Variants in STAC observed in about 807,000 individuals in gnomAD.
STAC encodes SH3 and cysteine rich domain.
STAC carries 43 observed loss-of-function variants against 48.8 expected under a neutral mutation model. The ratio of observed to expected loss-of-function variants is 0.88; its 90% CI spans 0.69 to 1.14. STAC has a LOEUF of 1.14. STAC is among the 50% of genes most tolerant of loss of function. The pLI is 0.00. For synonymous variants in STAC, 193 were observed against 179.5 expected, an observed-to-expected ratio of 1.07 and a Z score of -0.60; for missense variants, 497 against 504.0, an observed-to-expected ratio of 0.99 and a Z score of 0.13.
At chr3:36,422,504 A>C (rs1379881914) in intron 1 of STAC, among the ~76,000 whole-genome samples, 2 of 152,138 alleles carry the variant, frequency 1.3e-5, no homozygotes, top group East Asian at 3.8e-4. Context: ...AAACATATTC[A>C]ATGACTAATG....
chr3:36,536,611 T>C lies in STAC; in HGVS notation c.1110+7626T>C, dbSNP rs555678689. On this transcript the variant is annotated intron_variant, in intron 10 of 10. Transcript: ENST00000273183. The stretch of plus-strand genomic sequence containing the variant: ...AAAATTAACTCAACCATTCAGGACA[T>C]AGGCACAGGCAAAGACTTCCTGACG... Among the ~76,000 whole-genome samples the C allele has an allele frequency of 3.3e-5, 5 of 152,060 alleles. No homozygotes were observed. In the East Asian group the frequency reaches 9.7e-4, roughly 29 times the overall value.
At chr3:36,541,399 A>G (rs887656214) in intron 10 of STAC, among the ~76,000 whole-genome samples, 3 of 152,220 alleles carry the variant, frequency 2.0e-5, no homozygotes, top group Non-Finnish European at 2.9e-5. Context: ...GACCATGAGT[A>G]CCAATCATCA....
intron 1 of STAC, among the ~76,000 whole-genome samples, chr3:36,406,726 T>C (rs1700094525): frequency 6.6e-6 from 1 of 152,208 alleles, no homozygotes; most frequent in South Asian, 2.1e-4. Context: ...CATTCACACA[T>C]TGTTTATGGT....
intron 10 of STAC, among the ~76,000 whole-genome samples, chr3:36,530,096 G>C (rs992651133): frequency 3.3e-5 from 5 of 152,194 alleles, no homozygotes; most frequent in African/African-American, 4.8e-5. Context: ...CTCCAGCCTG[G>C]TTTGTTCTTG....
intron 6 of STAC, among the ~76,000 whole-genome samples, chr3:36,495,003 ACT>A (rs1698101528): frequency 6.6e-6 from 1 of 151,642 alleles, no homozygotes; most frequent in African/African-American, 2.4e-5. Flanking sequence ...TTCCCCTGAC[ACT>A]CTTCTCATCA....
At chr3:36,526,005 A>G (rs1261946991) in intron 8 of STAC, among the ~76,000 whole-genome samples, 6 of 152,240 alleles carry the variant, frequency 3.9e-5, no homozygotes, top group African/African-American at 1.2e-4. Context: ...TAACACATCT[A>G]TAACAGTACT....
At chr3:36,535,263 G>T (rs1303061575) in intron 10 of STAC, among the ~76,000 whole-genome samples, 1 of 152,066 alleles carries the variant, frequency 6.6e-6, no homozygotes, top group Non-Finnish European at 1.5e-5. Context: ...TCACGATTTG[G>T]CTCTCTGCTT....
At chr3:36,517,646 CCTATCTAT>C (rs34723998) in intron 8 of STAC, among the ~76,000 whole-genome samples, 9 of 151,780 alleles carry the variant, frequency 5.9e-5, no homozygotes, top group Non-Finnish European at 7.4e-5. Context: ...AGAGCTAGAC[CCTATCTAT>C]CTATCTATCT....
chr3:36,464,718 T>C (rs553782165), intron 2 of STAC, among the ~76,000 whole-genome samples: 10 of 152,334 alleles, frequency 6.6e-5, no homozygotes, highest in African/African-American at 2.4e-4. Context: ...GTTATTTCCA[T>C]TCCTGAGTTA....
rs1700604688 is a variant in STAC at position 36,427,876 on chromosome 3, C to CA, written c.112-15483dup. On this transcript the variant is annotated intron_variant, in intron 1 of 10. Transcript: ENST00000273183. ...AGCATCACTTCTATGATATTTCTAC[C>CA]AAAAATATGTGTAACCTGACAGAAC... Among the ~76,000 whole-genome samples, 4 of 152,196 alleles carry CA rather than the reference C, an allele frequency of 2.6e-5. No individual in the cohort carries two copies. The South Asian group carries it at 6.2e-4, about 24-fold the overall frequency.
intron 1 of STAC, among the ~76,000 whole-genome samples, chr3:36,392,498 C>A (rs1699771005): frequency 6.6e-6 from 1 of 152,024 alleles, no homozygotes; most frequent in Non-Finnish European, 1.5e-5. Flanking sequence ...TACAATCATG[C>A]CCAGCTAATT....
rs1386674424 is a variant in STAC at position 36,528,950 on chromosome 3, A to G, written c.1075A>G (p.Lys359Glu). 6.2e-7 allele frequency: 1 copy of G among 1,613,244 alleles called. No homozygotes were observed. Among genetic ancestry groups the G allele is most frequent in the South Asian group, 1.1e-5 (1 of 90,996 alleles). The change falls in exon 10 of 11, where the codon AAG (lysine) becomes GAG (glutamate). Residue 359 changes from lysine (K) to glutamate (E), a missense_variant. Coordinates refer to ENST00000273183, the MANE Select transcript of STAC (RefSeq NM_003149.3). ...ATGTGTTAGAACCTTCATTGGGTGTAAGGAACAGGGGCAGATAACACTGAA... is the reference window on the plus strand; with the variant it reads ...ATGTGTTAGAACCTTCATTGGGTGTGAGGAACAGGGGCAGATAACACTGAA... ...FRCVRTFIGC[K>E]EQGQITLKEN...
chr3:36,492,392 G>A (rs555028923), intron 5 of STAC, among the ~76,000 whole-genome samples: 1 of 152,206 alleles, frequency 6.6e-6, no homozygotes, highest in Admixed American at 6.5e-5. Context: ...CACAGCCCCA[G>A]CTCCACCATG....
intron 5 of STAC, among the ~76,000 whole-genome samples, chr3:36,489,894 C>G (rs138393673): frequency 3.5e-4 from 54 of 152,238 alleles, no homozygotes; most frequent in African/African-American, 1.3e-3. Flanking sequence ...TGTGTGGTCT[C>G]CGGATCTGCA....
chr3:36,532,200 T>G (rs991983739), intron 10 of STAC, among the ~76,000 whole-genome samples: 1 of 152,188 alleles, frequency 6.6e-6, no homozygotes, highest in Non-Finnish European at 1.5e-5. Flanking sequence ...AAGAGGTGTA[T>G]GCCATCTAAC....
Position 36,469,614 on chromosome 3 carries a change from T to C in STAC, c.389-13378T>C, listed in dbSNP as rs184262802. On this transcript the variant is annotated intron_variant, in intron 2 of 10. Coordinates refer to ENST00000273183, the MANE Select transcript of STAC (RefSeq NM_003149.3). ...GTTCTTTGAGCTTCTTGTATTCAGA[T>C]GTCTAGATCTCTAGCAAGGCCAGGG... Among the ~76,000 whole-genome samples the C allele has an allele frequency of 4.6e-5, 7 of 152,348 alleles. No individual in the cohort carries two copies. In the East Asian group the frequency reaches 1.3e-3, roughly 29 times the overall value.
At chr3:36,396,439 A>G (rs562775084) in intron 1 of STAC, among the ~76,000 whole-genome samples, 16 of 152,268 alleles carry the variant, frequency 1.1e-4, no homozygotes, top group African/African-American at 3.6e-4. Context: ...CTGATAACAC[A>G]TTATTACTAC....
intron 5 of STAC, among the ~76,000 whole-genome samples, chr3:36,486,596 A>T (rs115180678): frequency 0.017 from 2,585 of 152,320 alleles, 21 homozygotes; most frequent in Non-Finnish European, 0.021. Context: ...AGGAACTTGG[A>T]AATCCTGGCT....
chr3:36,507,358 G>A (rs1698429336), intron 8 of STAC, among the ~76,000 whole-genome samples: 1 of 152,158 alleles, frequency 6.6e-6, no homozygotes, highest in Non-Finnish European at 1.5e-5. Context: ...ATGTTCATCA[G>A]GGATATTGGC....
Sources: allele counts gnomAD v4.1 joint callset (sites outside exome capture counted in the v4.1 genomes callset), GRCh38; gene constraint gnomAD v4.1.1; transcripts MANE v1.5; gene names NCBI Gene and HGNC (gene_info 2026-07-23, HGNC 2026-07-21).